RASGEF1C: variants seen among roughly 807,000 people sequenced by gnomAD.
RASGEF1C encodes RasGEF domain family member 1C.
A neutral mutation model predicts 58.1 loss-of-function variants in RASGEF1C; 27 were observed. The observed-to-expected ratio is 0.46, with a 90% CI of 0.34 to 0.64. The LOEUF (loss-of-function observed/expected upper bound fraction) is 0.64, where lower values mean the gene tolerates loss of function less well. RASGEF1C is among the 30% of genes least tolerant of loss of function. The pLI, the probability that RASGEF1C is intolerant of heterozygous loss-of-function variation, is 0.01. For synonymous variants in RASGEF1C, 243 were observed against 246.3 expected, an observed-to-expected ratio of 0.99 and a Z score of 0.13; for missense variants, 502 against 605.1, an observed-to-expected ratio of 0.83 and a Z score of 1.79.
intron 4 of RASGEF1C, among the ~76,000 whole-genome samples, chr5:180,135,050 C>A (rs1430185653): frequency 9.7e-5 from 14 of 144,852 alleles, no homozygotes; most frequent in African/African-American, 3.6e-4. Flanking sequence ...TCCCCACCCC[C>A]CCCGTCCAAT....
rs149505914 is a variant in RASGEF1C, at chr5:180,102,664, GGTTTT to G, written c.1304-526_1304-522del. ...TTGGAGGGCTAGCTTTCCTCCATTG[GGTTTT>G]GTTTTGTTTTGTTTTGTTTTTGTCA... is the stretch of plus-strand genomic sequence containing the variant. On this transcript the variant is annotated intron_variant, in intron 12 of 13. Coordinates refer to ENST00000361132, the MANE Select transcript of RASGEF1C (RefSeq NM_175062.4). Among the ~76,000 whole-genome samples the G allele has an allele frequency of 4.2e-3, 626 of 150,470 alleles. 2 individuals are homozygous for G. The highest frequency in any genetic ancestry group is 0.013 in the African/African-American group (551 of 40,904).
chr5:180,101,364 G>GA lies in RASGEF1C; in HGVS notation c.*136_*137insT, dbSNP rs1554110443. 2 of 886,278 alleles carry GA rather than the reference G, an allele frequency of 2.3e-6. No individual in the cohort carries two copies. The highest frequency in any genetic ancestry group is 3.1e-5 in the South Asian group (2 of 63,912). The allele number at this position is 886,278 out of a possible 1,614,324, so 54.9% of individuals were successfully genotyped here. A position where few individuals can be genotyped will look rare whatever the true frequency, so the allele number is the denominator to read the frequency against. On this transcript the variant is annotated 3_prime_UTR_variant, in exon 14 of 14. Transcript: ENST00000361132. ...GTATGGCCACTGTGGGGGGGGGGGG[G>GA]GCGGGCAGCAGGCCACAGGGTCGGC...
At chr5:180,166,044 C>T (rs549422999) in intron 1 of RASGEF1C, among the ~76,000 whole-genome samples, 24 of 152,090 alleles carry the variant, frequency 1.6e-4, no homozygotes, top group East Asian at 1.4e-3. Context: ...CCACCACGCC[C>T]GGCCTAATTT....
At chr5:180,118,762 C>T (rs562013738) in intron 9 of RASGEF1C, 25 bp downstream of exon 9, 2 of 1,614,052 alleles carry the variant, frequency 1.2e-6, no homozygotes, top group Admixed American at 3.3e-5. Flanking sequence ...CCGGAGGCAC[C>T]CGGCAGCCCA....
At chr5:180,152,867 C>T (rs2386693) in intron 1 of RASGEF1C, among the ~76,000 whole-genome samples, 23 of 147,426 alleles carry the variant, frequency 1.6e-4, no homozygotes, top group African/African-American at 4.0e-4. Context: ...GCCGAGATTG[C>T]GCCACTGCAC....
intron 6 of RASGEF1C, among the ~76,000 whole-genome samples, chr5:180,124,304 G>T (rs1766221419): frequency 6.6e-6 from 1 of 151,810 alleles, no homozygotes; most frequent in Non-Finnish European, 1.5e-5. Flanking sequence ...AATGCTCCAA[G>T]AACAAGTAAT....
chr5:180,206,251 A>T (rs1561761554), intron 1 of RASGEF1C, among the ~76,000 whole-genome samples: 2 of 152,218 alleles, frequency 1.3e-5, no homozygotes, highest in Non-Finnish European at 2.9e-5. Context: ...TTAGAAAAAG[A>T]TTAAATTGGA....
At chr5:180,149,851 T>C (rs1245046278) in intron 1 of RASGEF1C, among the ~76,000 whole-genome samples, 1 of 152,258 alleles carries the variant, frequency 6.6e-6, no homozygotes, top group African/African-American at 2.4e-5. Context: ...TGTGTCTCAC[T>C]GTGGGTCTCT....
At chr5:180,208,767 G>T (rs1390932034) in intron 1 of RASGEF1C, among the ~76,000 whole-genome samples, 2 of 151,916 alleles carry the variant, frequency 1.3e-5, no homozygotes, top group African/African-American at 4.8e-5. Flanking sequence ...CCCAGCAGGG[G>T]CTGGCGGCGC....
At chr5:180,187,764 T>C (rs1756065784) in intron 1 of RASGEF1C, among the ~76,000 whole-genome samples, 2 of 152,196 alleles carry the variant, frequency 1.3e-5, no homozygotes, top group African/African-American at 2.4e-5. Flanking sequence ...ACATTATTAG[T>C]CATTAGGAAA....
intron 1 of RASGEF1C, among the ~76,000 whole-genome samples, chr5:180,206,804 A>C: frequency 6.6e-6 from 1 of 152,272 alleles, no homozygotes; most frequent in East Asian, 1.9e-4. Context: ...TACTTTCAGG[A>C]CATACTTCTA....
At chr5:180,154,871 A>G (rs572901104) in intron 1 of RASGEF1C, among the ~76,000 whole-genome samples, 1 of 151,982 alleles carries the variant, frequency 6.6e-6, no homozygotes, top group African/African-American at 2.4e-5. Flanking sequence ...ATGAGCCACC[A>G]CGCCCGGCCC....
chr5:180,197,937 G>A lies in RASGEF1C; in HGVS notation c.-7+11091C>T, dbSNP rs988580545. On this transcript the variant is annotated intron_variant, in intron 1 of 13. Coordinates refer to ENST00000361132, the MANE Select transcript of RASGEF1C (RefSeq NM_175062.4). This position sits in a 1 kb window ranked among gnomAD's most constrained non-coding sequence, Gnocchi z 4.7. Reference sequence around the variant, plus strand: ...CCACGCTTAGCGACATCCAATGCACGTAAAGCAGAAATTCCCCAATTAGGA... The same window carrying A: ...CCACGCTTAGCGACATCCAATGCACATAAAGCAGAAATTCCCCAATTAGGA... Among the ~76,000 whole-genome samples, 18 of 152,228 alleles carry A rather than the reference G, an allele frequency of 1.2e-4. No homozygotes were observed. Among genetic ancestry groups the A allele is most frequent in the Admixed American group, 8.5e-4 (13 of 15,280 alleles).
chr5:180,105,490 A>T (rs1765860540), intron 12 of RASGEF1C, among the ~76,000 whole-genome samples: 1 of 151,486 alleles, frequency 6.6e-6, no homozygotes, highest in Non-Finnish European at 1.5e-5. Flanking sequence ...TGAACCCGGG[A>T]GGCGGAGGTT....
In RASGEF1C at chr5:180,111,105, T is replaced by G. The variant is rs368448255; in HGVS notation, c.1303+352A>C. Among the ~76,000 whole-genome samples the G allele has an allele frequency of 1.4e-4, 22 of 152,304 alleles. No individual in the cohort carries two copies. The East Asian group carries it at 2.3e-3, about 16-fold the overall frequency. On this transcript the variant is annotated intron_variant, in intron 12 of 13. Coordinates refer to ENST00000361132, the MANE Select transcript of RASGEF1C (RefSeq NM_175062.4). The stretch of plus-strand genomic sequence containing the variant: ...CCGGGATTATAGGCGTGAGTCACTG[T>G]GCCTGGCGAGGGTGATTCTTATCAT...
In RASGEF1C at chr5:180,128,483, G is replaced by T. The variant is rs371799192; in HGVS notation, c.566C>A (p.Ser189Tyr). The T allele has an allele frequency of 6.2e-7, 1 of 1,614,052 alleles. No individual in the cohort carries two copies. The highest frequency in any genetic ancestry group is 1.3e-5 in the African/African-American group (1 of 74,936). The change falls in exon 5 of 14, where the codon TCC becomes TAC. Residue 189 changes from serine (S) to tyrosine (Y), a missense_variant. Coordinates refer to ENST00000361132, the MANE Select transcript of RASGEF1C (RefSeq NM_175062.4). ...GACACCAAGGAGCTCCCTGTGGATG[G>T]AGGCTGGTGGCTTGGTCCTGTAGGA... is the stretch of plus-strand genomic sequence containing the variant. Reference protein sequence around the residue: ...PISYRTKPPASIHRELLGVCS... With the variant: ...PISYRTKPPAYIHRELLGVCS...
At chr5:180,152,911 CAAAAAA>C (rs755521241) in intron 1 of RASGEF1C, among the ~76,000 whole-genome samples, 74 of 71,708 alleles carry the variant, frequency 1.0e-3, no homozygotes, top group Admixed American at 4.5e-3. Context: ...AACCCCATCT[CAAAAAA>C]AAAAAAAAAA....
chr5:180,200,592 C>T (rs547598340), intron 1 of RASGEF1C, among the ~76,000 whole-genome samples: 11 of 152,100 alleles, frequency 7.2e-5, no homozygotes, highest in South Asian at 6.2e-4. Context: ...GGATTACAGG[C>T]GTGAGCCACC....
At chr5:180,194,361 C>T (rs557812539) in intron 1 of RASGEF1C, among the ~76,000 whole-genome samples, 8 of 152,320 alleles carry the variant, frequency 5.3e-5, no homozygotes, top group Admixed American at 5.2e-4. Flanking sequence ...AGTACGCTTT[C>T]CCCGGCAAAC....
Sources: allele counts gnomAD v4.1 joint callset (sites outside exome capture counted in the v4.1 genomes callset), GRCh38; gene constraint gnomAD v4.1.1; non-coding constraint Gnocchi (gnomAD v3.1); transcripts MANE v1.5; gene names NCBI Gene and HGNC (gene_info 2026-07-23, HGNC 2026-07-21).